The following EIF2AK1 variants were observed in gnomAD, a reference collection of about 807,000 sequenced individuals.
EIF2AK1 encodes eukaryotic translation initiation factor 2 alpha kinase 1.
Under a neutral mutation model 77.9 loss-of-function variants are expected in EIF2AK1, and 54 were observed. The observed-to-expected ratio is 0.69, with a 90% CI of 0.56 to 0.87. The LOEUF (loss-of-function observed/expected upper bound fraction) is 0.87. Among genes scored for constraint, EIF2AK1 ranks in the 40% least tolerant of loss-of-function variants. The pLI, the probability that EIF2AK1 is intolerant of heterozygous loss-of-function variation, is 0.00. For synonymous variants in EIF2AK1, 314 were observed against 290.5 expected, an observed-to-expected ratio of 1.08 and a Z score of -0.82; for missense variants, 810 against 768.6, an observed-to-expected ratio of 1.05 and a Z score of -0.64.
chr7:6,031,905 A>G (rs1446591226), intron 11 of EIF2AK1, among the ~76,000 whole-genome samples: 1 of 152,116 alleles, frequency 6.6e-6, no homozygotes, highest in African/African-American at 2.4e-5. Context: ...CAGACGCAGT[A>G]GCTCATGCCT....
At position 6,027,357 on chromosome 7, in the gene EIF2AK1, T is replaced by C. The variant is rs1787776983; in HGVS notation, c.1531-396A>G. 6.6e-6 allele frequency among the ~76,000 whole-genome samples: 1 copy of C among 152,138 alleles called. No homozygotes were observed. Among genetic ancestry groups the C allele is most frequent in the Non-Finnish European group, 1.5e-5 (1 of 68,028 alleles). ...CCGGTCTCACCTCTGCCTCCACTCA[T>C]TCTTACCAAGTGTCCTTGGTGACAT... is the stretch of plus-strand genomic sequence containing the variant. On this transcript the variant is annotated intron_variant, in intron 13 of 14. Transcript: ENST00000199389. The surrounding 1 kb of genome is among the most constrained non-coding windows in gnomAD (Gnocchi z 4.5).
Position 6,035,445 on chromosome 7 carries a change from G to C in EIF2AK1, c.1332+1979C>G. On this transcript the variant is annotated intron_variant, in intron 11 of 14. Coordinates refer to ENST00000199389, the MANE Select transcript of EIF2AK1 (RefSeq NM_014413.4). This position sits in a 1 kb window ranked among gnomAD's most constrained non-coding sequence, Gnocchi z 5.5. ...ACGTGTAATCAATACCCATTCTAGG[G>C]ACACGACAGGCCTCACCACACTCAA... The C allele has an allele frequency of 6.5e-7, 1 of 1,548,940 alleles. No homozygotes were observed. The highest frequency in any genetic ancestry group is 1.4e-5 in the African/African-American group (1 of 73,142).
intron 1 of EIF2AK1, among the ~76,000 whole-genome samples, chr7:6,056,636 A>ATATATATATATATATATATAT (rs1554324739): frequency 5.9e-5 from 7 of 118,898 alleles, no homozygotes; most frequent in Non-Finnish European, 8.7e-5. Flanking sequence ...ATATATATAT[A>ATATATATATATATATATATAT]AACTCTGTCT....
chr7:6,031,577 T>C (rs775394724), intron 11 of EIF2AK1: 1 of 1,550,722 alleles, frequency 6.4e-7, no homozygotes, highest in South Asian at 1.2e-5. Context: ...CAGCAACAGA[T>C]TACTTCTGAC....
chr7:6,041,216 C>A lies in EIF2AK1; in HGVS notation c.795G>T (p.Glu265Asp), dbSNP rs1386052078. The A allele has an allele frequency of 6.5e-7, 1 of 1,538,672 alleles. No individual in the cohort carries two copies. The highest frequency in any genetic ancestry group is 2.1e-5 in the Admixed American group (1 of 48,172). ...TTTCATCATTTTTAACACCACATTG[C>A]TCTCTGAAAAAAAAAAAAATAGTAA... ...EVLSDQEEDR[E>D]QCGVKNDESS... Residue 265 changes from glutamate (E) to aspartate (D), a missense_variant, in exon 9 of 15, where the codon GAG becomes GAT. This residue lies in a region of EIF2AK1 where 549 missense variants were observed against 533.7 expected (regional missense o/e 1.03). Transcript: ENST00000199389.
rs756654564 is a variant in EIF2AK1 at position 6,026,720 on chromosome 7, G to C, written c.1764+8C>G. On this transcript the variant is annotated splice_region_variant and intron_variant, in intron 14 of 14. Transcript: ENST00000199389. ...CACTCCAGGACCAAGAGAAAGAAAAGCACATACATTTCCAGAATTTTGGAA... is the reference window on the plus strand; with the variant it reads ...CACTCCAGGACCAAGAGAAAGAAAACCACATACATTTCCAGAATTTTGGAA... 1 of 1,608,296 alleles carries C rather than the reference G, an allele frequency of 6.2e-7. No individual in the cohort carries two copies. The highest frequency in any genetic ancestry group is 8.5e-7 in the Non-Finnish European group (1 of 1,174,764).
chr7:6,055,198 C>T (rs1583501337), intron 1 of EIF2AK1, among the ~76,000 whole-genome samples: 1 of 151,828 alleles, frequency 6.6e-6, no homozygotes, highest in Non-Finnish European at 1.5e-5. Context: ...CAAAATTAGC[C>T]GGGCAGTGGT....
Position 6,037,412 on chromosome 7 carries a change from G to T in EIF2AK1, c.1332+12C>A. Reference sequence around the variant, plus strand: ...TCCCACTGCTTTCAATGATTTCATCGCCCCCACTTACCTTCAGATCTCGGT... The same window carrying T: ...TCCCACTGCTTTCAATGATTTCATCTCCCCCACTTACCTTCAGATCTCGGT... On this transcript the variant is annotated intron_variant, in intron 11 of 14. Transcript: ENST00000199389. 1 of 1,558,266 alleles carries T rather than the reference G, an allele frequency of 6.4e-7. No individual in the cohort carries two copies. Among genetic ancestry groups the T allele is most frequent in the Non-Finnish European group, 8.8e-7 (1 of 1,134,170 alleles).
At chr7:6,047,241 T>C (rs765745109) in intron 4 of EIF2AK1, 150 bp from the exon 5 acceptor site, 1 of 841,874 alleles carries the variant, frequency 1.2e-6, no homozygotes, top group South Asian at 1.4e-5. Context: ...ATGAAATTTT[T>C]CATCCCTATG....
intron 2 of EIF2AK1, among the ~76,000 whole-genome samples, chr7:6,050,493 C>T (rs1327416223): frequency 1.3e-5 from 2 of 152,058 alleles, no homozygotes; most frequent in Admixed American, 1.3e-4. Context: ...CCAGGCCCAG[C>T]CCTTAGATAA....
intron 6 of EIF2AK1, 43 bp downstream of exon 6, chr7:6,046,027 TA>T: frequency 7.7e-7 from 1 of 1,306,404 alleles, no homozygotes; most frequent in African/African-American, 1.5e-5. Flanking sequence ...CAAAAAGAAC[TA>T]AATACACAAT....
chr7:6,048,296 C>G (rs1788502538), intron 4 of EIF2AK1, among the ~76,000 whole-genome samples: 2 of 152,176 alleles, frequency 1.3e-5, no homozygotes. Context: ...ATGGATTCAC[C>G]TACTCTGGAT....
chr7:6,032,883 C>G lies in EIF2AK1; in HGVS notation c.1333-3851G>C. The G allele has an allele frequency of 6.4e-7, 1 of 1,551,098 alleles. No individual in the cohort carries two copies. On this transcript the variant is annotated intron_variant, in intron 11 of 14. Transcript: ENST00000199389. The surrounding 1 kb of genome is among the most constrained non-coding windows in gnomAD (Gnocchi z 4.3). ...CCATCCATCTGGCTGCCAAGTACCA[C>G]AAGGCCCAGAGTCTGCTCTGCCTGT...
At chr7:6,056,613 A>AAATATATATATATAT in intron 1 of EIF2AK1, among the ~76,000 whole-genome samples, 10 of 43,732 alleles carry the variant, frequency 2.3e-4, no homozygotes, top group South Asian at 8.1e-4. Context: ...AAAAAAAAAA[A>AAATATATATATATAT]ATATATATAT....
At chr7:6,049,765 G>A (rs1419677167) in intron 3 of EIF2AK1, 147 bp downstream of exon 3, 2 of 719,296 alleles carry the variant, frequency 2.8e-6, no homozygotes, top group Non-Finnish European at 4.3e-6. Context: ...TGGGATTAAG[G>A]CATGAGCCAC....
At chr7:6,043,838 C>A (rs570040212) in intron 7 of EIF2AK1, among the ~76,000 whole-genome samples, 3 of 152,102 alleles carry the variant, frequency 2.0e-5, no homozygotes, top group South Asian at 4.2e-4. Flanking sequence ...GAGGCTCATG[C>A]CTATAGTCCC....
chr7:6,030,385 A>C (rs1369923396), intron 11 of EIF2AK1, among the ~76,000 whole-genome samples: 1 of 152,166 alleles, frequency 6.6e-6, no homozygotes, highest in Non-Finnish European at 1.5e-5. Flanking sequence ...GTACCTGCCT[A>C]CCAGACACGT....
In EIF2AK1 at chr7:6,023,802, T is replaced by G. The variant is rs1156385523; in HGVS notation, c.*871A>C. The G allele has an allele frequency of 1.3e-6, 2 of 1,581,794 alleles. No homozygotes were observed. The highest frequency in any genetic ancestry group is 1.3e-5 in the African/African-American group (1 of 74,320). Reference sequence around the variant, plus strand: ...TCAGAGTCTTTTTATTTAGGCCAGTTGTCAAGTGTCAATAAAAGCATCATG... The same window carrying G: ...TCAGAGTCTTTTTATTTAGGCCAGTGGTCAAGTGTCAATAAAAGCATCATG... On this transcript the variant is annotated 3_prime_UTR_variant, in exon 15 of 15. Transcript: ENST00000199389.
intron 9 of EIF2AK1, 103 bp downstream of exon 9, chr7:6,040,789 C>T (rs943664930): frequency 5.7e-5 from 55 of 973,450 alleles, no homozygotes; most frequent in Admixed American, 9.4e-5. Flanking sequence ...AGAGACTGAA[C>T]GCAGGGCAGA....
Sources: allele counts gnomAD v4.1 joint callset (sites outside exome capture counted in the v4.1 genomes callset), GRCh38; gene constraint gnomAD v4.1.1; regional missense constraint gnomAD v4.1.1; non-coding constraint Gnocchi (gnomAD v3.1); transcripts MANE v1.5; gene names NCBI Gene and HGNC (gene_info 2026-07-23, HGNC 2026-07-21).